The following UNC5C variants were observed in gnomAD, a reference collection of about 807,000 sequenced individuals.
UNC5C encodes netrin receptor UNC5C.
Under a neutral mutation model 99.8 loss-of-function variants are expected in UNC5C, and 47 were observed. The observed-to-expected ratio is 0.47, with a 90% CI of 0.37 to 0.60. The LOEUF is 0.60. Ranked by LOEUF, UNC5C falls within the 20% of genes least tolerant of loss-of-function variation. The probability of loss-of-function intolerance (pLI) is 0.00; values close to 1 mark genes in which losing one functional copy is unlikely to be tolerated. For synonymous variants in UNC5C, 487 were observed against 452.2 expected (o/e 1.08, Z -0.98); for missense variants, 1,062 against 1,165.9 (o/e 0.91, Z 1.30).
intron 1 of UNC5C, among the ~76,000 whole-genome samples, chr4:95,423,235 G>A (rs1486922750): frequency 6.6e-6 from 1 of 152,138 alleles, no homozygotes; most frequent in African/African-American, 2.4e-5. Flanking sequence ...GGAATTGGAG[G>A]ACATAAAACT....
At chr4:95,428,941 A>G (rs1746557292) in intron 1 of UNC5C, among the ~76,000 whole-genome samples, 1 of 152,048 alleles carries the variant, frequency 6.6e-6, no homozygotes, top group Non-Finnish European at 1.5e-5. Context: ...CAGATCCTTA[A>G]CTGGAAACCC....
At chr4:95,237,936 G>A (rs955600884) in intron 7 of UNC5C, among the ~76,000 whole-genome samples, 1 of 152,126 alleles carries the variant, frequency 6.6e-6, no homozygotes, top group Non-Finnish European at 1.5e-5. Context: ...CAGCTACTCA[G>A]GAGGCTGAGG....
intron 2 of UNC5C, among the ~76,000 whole-genome samples, chr4:95,331,921 C>A (rs1032953284): frequency 1.3e-5 from 2 of 151,850 alleles, no homozygotes; most frequent in Admixed American, 1.3e-4. Context: ...TCTTATACAC[C>A]AACAACAGAC....
intron 1 of UNC5C, among the ~76,000 whole-genome samples, chr4:95,481,283 T>C (rs13110299): frequency 4.6e-5 from 7 of 151,986 alleles, no homozygotes; most frequent in Admixed American, 2.0e-4. Flanking sequence ...AATAAAATAC[T>C]TAGGAATCCA....
At chr4:95,305,438 G>A (rs984348063) in intron 2 of UNC5C, among the ~76,000 whole-genome samples, 17 of 152,196 alleles carry the variant, frequency 1.1e-4, no homozygotes, top group Middle Eastern at 3.4e-3. Context: ...TTGAAGTCTG[G>A]AGATGGAAAA....
intron 5 of UNC5C, among the ~76,000 whole-genome samples, chr4:95,246,376 G>A (rs1739502370): frequency 6.6e-6 from 1 of 151,678 alleles, no homozygotes; most frequent in African/African-American, 2.4e-5. Context: ...GGGCAACATA[G>A]CAACACCCTA....
At chr4:95,444,434 C>G (rs1747037188) in intron 1 of UNC5C, among the ~76,000 whole-genome samples, 1 of 152,028 alleles carries the variant, frequency 6.6e-6, no homozygotes, top group Non-Finnish European at 1.5e-5. Flanking sequence ...TGGCTTCACG[C>G]CATTCTCCTG....
chr4:95,177,283 T>C (rs936951240), intron 14 of UNC5C, among the ~76,000 whole-genome samples: 2 of 152,206 alleles, frequency 1.3e-5, no homozygotes, highest in Non-Finnish European at 2.9e-5. Flanking sequence ...CGTAACTTGT[T>C]GGTGTTCCTC....
chr4:95,270,738 T>G (rs1353276724), intron 4 of UNC5C, among the ~76,000 whole-genome samples: 1 of 152,086 alleles, frequency 6.6e-6, no homozygotes, highest in Non-Finnish European at 1.5e-5. Flanking sequence ...AACCAAAACC[T>G]AAAGTAAAAT....
chr4:95,431,349 C>G (rs73838827), intron 1 of UNC5C, among the ~76,000 whole-genome samples: 7,084 of 152,086 alleles, frequency 0.047, 283 homozygotes, highest in African/African-American at 0.1. Flanking sequence ...TAGGTTCCAT[C>G]TTGGTCTTAC....
chr4:95,393,892 C>A, intron 1 of UNC5C, among the ~76,000 whole-genome samples: 1 of 148,874 alleles, frequency 6.7e-6, no homozygotes. Context: ...ATAAATCTCT[C>A]CTTTAGACAC....
At position 95,460,990 on chromosome 4, in the gene UNC5C, G is replaced by A. The variant is rs567576653; in HGVS notation, c.124+87744C>T. The stretch of plus-strand genomic sequence containing the variant: ...TTATAAATAGCATACTTTCTATGTA[G>A]GCACAATGGATGGTTTAAAATATTT... On this transcript the variant is annotated intron_variant, in intron 1 of 15. Coordinates refer to ENST00000453304, the MANE Select transcript of UNC5C (RefSeq NM_003728.4). 2.0e-5 allele frequency among the ~76,000 whole-genome samples: 3 copies of A among 152,236 alleles called. No individual in the cohort carries two copies. The South Asian group carries it at 6.2e-4, about 32-fold the overall frequency.
At chr4:95,493,507 T>C (rs1721556122) in intron 1 of UNC5C, among the ~76,000 whole-genome samples, 1 of 151,456 alleles carries the variant, frequency 6.6e-6, no homozygotes, top group South Asian at 2.1e-4. Flanking sequence ...TTTTAGTCAG[T>C]GGATGGAAAC....
intron 1 of UNC5C, among the ~76,000 whole-genome samples, chr4:95,537,514 A>C (rs919845782): frequency 6.6e-6 from 1 of 152,230 alleles, no homozygotes; most frequent in Admixed American, 6.5e-5. Flanking sequence ...GTTGCAGAAC[A>C]CTGTCCTAGA....
intron 12 of UNC5C, among the ~76,000 whole-genome samples, chr4:95,189,964 C>A (rs1737003341): frequency 6.6e-6 from 1 of 152,228 alleles, no homozygotes; most frequent in African/African-American, 2.4e-5. Context: ...CTAGAAATAC[C>A]ATTTGACCCA....
intron 1 of UNC5C, among the ~76,000 whole-genome samples, chr4:95,345,009 T>C (rs1180874815): frequency 1.5e-5 from 2 of 134,214 alleles, no homozygotes; most frequent in African/African-American, 2.6e-5. Context: ...AATAATAATA[T>C]TGACTATGAA....
At chr4:95,531,526 G>C (rs895054288) in intron 1 of UNC5C, among the ~76,000 whole-genome samples, 1 of 152,062 alleles carries the variant, frequency 6.6e-6, no homozygotes, top group Admixed American at 6.6e-5. Context: ...ACATATTTTG[G>C]TTACCTTAAA....
At chr4:95,284,603 T>C (rs1389812463) in intron 3 of UNC5C, among the ~76,000 whole-genome samples, 1 of 152,154 alleles carries the variant, frequency 6.6e-6, no homozygotes. Flanking sequence ...AGAAGTGGGT[T>C]ACAGAAATTT....
chr4:95,210,690 A>T (rs1390848309), intron 10 of UNC5C, among the ~76,000 whole-genome samples: 3 of 152,216 alleles, frequency 2.0e-5, no homozygotes, highest in African/African-American at 7.2e-5. Context: ...AAAATTTTAA[A>T]TGTTTTCCAA....
Sources: gnomAD v4.1 joint callset for allele counts (sites outside exome capture counted in the v4.1 genomes callset) on GRCh38, gnomAD v4.1.1 for gene constraint, MANE v1.5 for transcripts, NCBI Gene and HGNC (gene_info 2026-07-23, HGNC 2026-07-21) for gene names.